Variants in EXOC6B observed in about 807,000 individuals in gnomAD.
EXOC6B encodes the protein exocyst complex component 6B.
A neutral mutation model predicts 113.5 loss-of-function variants in EXOC6B; 54 were observed. That is an observed-to-expected ratio of 0.48 (90% CI 0.38 to 0.60). The LOEUF is 0.60. EXOC6B is among the 20% of genes least tolerant of loss of function. The probability of loss-of-function intolerance (pLI) is 0.00; values close to 1 mark genes in which losing one functional copy is unlikely to be tolerated. For synonymous variants in EXOC6B, 357 were observed against 339.0 expected (o/e 1.05, Z -0.58); for missense variants, 797 against 977.5 (o/e 0.82, Z 2.46).
intron 7 of EXOC6B, among the ~76,000 whole-genome samples, chr2:72,563,857 A>G (rs1159625389): frequency 1.3e-5 from 2 of 152,208 alleles, no homozygotes; most frequent in African/African-American, 4.8e-5. Context: ...ACGCCTTTAC[A>G]TATTAAAAAA....
chr2:72,428,565 C>T (rs996252239), intron 18 of EXOC6B, among the ~76,000 whole-genome samples: 3 of 152,212 alleles, frequency 2.0e-5, no homozygotes, highest in Non-Finnish European at 4.4e-5. Context: ...CCCAATTCCA[C>T]GCTTGACTTG....
intron 8 of EXOC6B, among the ~76,000 whole-genome samples, chr2:72,533,726 T>C (rs1702136864): frequency 6.6e-6 from 1 of 152,196 alleles, no homozygotes; most frequent in Middle Eastern, 3.2e-3. Context: ...TTAAATATTG[T>C]ATAAACAGCT....
At chr2:72,694,688 A>G (rs968231707) in intron 6 of EXOC6B, among the ~76,000 whole-genome samples, 1 of 152,242 alleles carries the variant, frequency 6.6e-6, no homozygotes. Context: ...TTAAAATGCC[A>G]TAGGAACAAA....
Position 72,825,942 on chromosome 2 carries a change from C to T in EXOC6B, c.-32G>A, listed in dbSNP as rs1167575395. On this transcript the variant is annotated 5_prime_UTR_variant, in exon 1 of 22. Coordinates refer to ENST00000272427, the MANE Select transcript of EXOC6B (RefSeq NM_015189.3). This position sits in a 1 kb window ranked among gnomAD's most constrained non-coding sequence, Gnocchi z 4.4. ...GGGGCGCCCCGCAGCGCGTCCCCTCCGTCGGCTCGGCTCACCTTTTCCCTG... is the reference window on the plus strand; with the variant it reads ...GGGGCGCCCCGCAGCGCGTCCCCTCTGTCGGCTCGGCTCACCTTTTCCCTG... 12 of 1,607,540 alleles carry T rather than the reference C, an allele frequency of 7.5e-6. No individual in the cohort carries two copies. The highest frequency in any genetic ancestry group is 9.3e-6 in the Non-Finnish European group (11 of 1,178,744).
Position 72,493,724 on chromosome 2 carries a change from A to G in EXOC6B, c.1554-1295T>C, listed in dbSNP as rs550929579. ...CTATTTTAAAAAAATCTTTCTTTCA[A>G]AAAGAAAGTTTTACGTATTCAGAAT... On this transcript the variant is annotated intron_variant, in intron 15 of 21. Coordinates refer to ENST00000272427, the MANE Select transcript of EXOC6B (RefSeq NM_015189.3). Among the ~76,000 whole-genome samples, 13 of 152,192 alleles carry G rather than the reference A, an allele frequency of 8.5e-5. No individual in the cohort carries two copies. The South Asian group carries it at 2.1e-3, about 24-fold the overall frequency.
intron 7 of EXOC6B, among the ~76,000 whole-genome samples, chr2:72,566,697 T>C (rs1704197778): frequency 6.6e-6 from 1 of 151,922 alleles, no homozygotes; most frequent in Non-Finnish European, 1.5e-5. Context: ...GTAATGTCAG[T>C]TTTTTTTATT....
At chr2:72,632,526 G>T (rs1672538895) in intron 6 of EXOC6B, among the ~76,000 whole-genome samples, 2 of 151,842 alleles carry the variant, frequency 1.3e-5, no homozygotes, top group African/African-American at 2.4e-5. Flanking sequence ...TTAAAACCTG[G>T]AAATAATATA....
At chr2:72,614,508 C>T (rs552794442) in intron 6 of EXOC6B, among the ~76,000 whole-genome samples, 8 of 152,206 alleles carry the variant, frequency 5.3e-5, no homozygotes, top group African/African-American at 1.7e-4. Flanking sequence ...ACCTGACTGA[C>T]GCTAATACAA....
In EXOC6B at chr2:72,492,389, G is replaced by A; in HGVS notation, c.1594C>T (p.Leu532=). Residue 532 remains leucine (L), a synonymous_variant, in exon 16 of 22, where the codon CTG becomes TTG. Transcript: ENST00000272427. ...TTGCTCAGAGTCCTGGTTAGCAACA[G>A]GTTTGTTGATTTCCGAATCATGTCA... The part of the protein sequence containing the change: ...VDDMIRKSTN[L]LLTRTLSNSL... 2.5e-6 allele frequency: 4 copies of A among 1,612,948 alleles called. No individual in the cohort carries two copies. Among genetic ancestry groups the A allele is most frequent in the Non-Finnish European group, 2.5e-6 (3 of 1,179,134 alleles).
chr2:72,451,272 T>C (rs75162916), intron 18 of EXOC6B, among the ~76,000 whole-genome samples: 2,191 of 152,244 alleles, frequency 0.014, 51 homozygotes, highest in African/African-American at 0.05. Context: ...CTTGAGAGTA[T>C]AGAGTTAGGG....
At chr2:72,211,051 A>G (rs1680155041) in intron 20 of EXOC6B, among the ~76,000 whole-genome samples, 1 of 152,118 alleles carries the variant, frequency 6.6e-6, no homozygotes, top group African/African-American at 2.4e-5. Context: ...GCTGGGGTTG[A>G]TTCAGGAAAG....
intron 20 of EXOC6B, among the ~76,000 whole-genome samples, chr2:72,242,813 G>A (rs2104512818): frequency 6.6e-6 from 1 of 152,290 alleles, no homozygotes; most frequent in East Asian, 1.9e-4. Context: ...GCTCACTGAA[G>A]CCTTGAACTC....
intron 6 of EXOC6B, among the ~76,000 whole-genome samples, chr2:72,686,057 G>C (rs1047243299): frequency 2.0e-5 from 3 of 152,186 alleles, no homozygotes; most frequent in Non-Finnish European, 2.9e-5. Flanking sequence ...CACCAAGCAG[G>C]ACCAGTCTGT....
At chr2:72,363,658 T>C (rs1427939358) in intron 19 of EXOC6B, among the ~76,000 whole-genome samples, 1 of 152,086 alleles carries the variant, frequency 6.6e-6, no homozygotes, top group Admixed American at 6.6e-5. Context: ...AATTAGTGCA[T>C]ACTTAGTGCT....
intron 1 of EXOC6B, among the ~76,000 whole-genome samples, chr2:72,782,883 T>C (rs1467675962): frequency 6.6e-6 from 1 of 152,234 alleles, no homozygotes; most frequent in Non-Finnish European, 1.5e-5. Flanking sequence ...CCGAACAGTA[T>C]TCCATTGTGT....
Position 72,737,173 on chromosome 2 carries a change from C to T in EXOC6B, c.280-4055G>A, listed in dbSNP as rs138091374. Among the ~76,000 whole-genome samples the T allele has an allele frequency of 7.9e-5, 12 of 152,048 alleles. No homozygotes were observed. In the East Asian group the frequency reaches 1.6e-3, roughly 20 times the overall value. On this transcript the variant is annotated intron_variant, in intron 2 of 21. Transcript: ENST00000272427. ...CCAACACGGCAAAACCTCCTCTCTACTAAAAATACAAAAATTGGCCAGGCA... is the reference window on the plus strand; with the variant it reads ...CCAACACGGCAAAACCTCCTCTCTATTAAAAATACAAAAATTGGCCAGGCA...
intron 6 of EXOC6B, among the ~76,000 whole-genome samples, chr2:72,587,769 A>G (rs1705682632): frequency 6.6e-6 from 1 of 152,140 alleles, no homozygotes; most frequent in Non-Finnish European, 1.5e-5. Context: ...TTCACTAATC[A>G]TGTATCTGAT....
rs561626584 is a variant in EXOC6B, at chr2:72,456,805, C to T, written c.1980+8355G>A. On this transcript the variant is annotated intron_variant, in intron 18 of 21. Transcript: ENST00000272427. ...TGTCTCCTTTCCTGAATAAAGTACACAAATGAATGACATGTCCAGCCCAAG... is the reference window on the plus strand; with the variant it reads ...TGTCTCCTTTCCTGAATAAAGTACATAAATGAATGACATGTCCAGCCCAAG... Among the ~76,000 whole-genome samples, 5 of 152,128 alleles carry T rather than the reference C, an allele frequency of 3.3e-5. No individual in the cohort carries two copies. The South Asian group carries it at 1.0e-3, about 32-fold the overall frequency.
At chr2:72,355,271 CG>C (rs1689908055) in intron 19 of EXOC6B, among the ~76,000 whole-genome samples, 1 of 152,018 alleles carries the variant, frequency 6.6e-6, no homozygotes, top group Non-Finnish European at 1.5e-5. Context: ...TAAATCTATA[CG>C]TTTCACTGCA....
Sources: allele counts gnomAD v4.1 joint callset (sites outside exome capture counted in the v4.1 genomes callset), GRCh38; gene constraint gnomAD v4.1.1; non-coding constraint Gnocchi (gnomAD v3.1); transcripts MANE v1.5; gene names NCBI Gene and HGNC (gene_info 2026-07-23, HGNC 2026-07-21).